CHORDC1: variants seen among roughly 807,000 people sequenced by gnomAD.
CHORDC1 encodes cysteine and histidine-rich domain-containing protein 1.
CHORDC1 carries 25 observed loss-of-function variants against 48.3 expected under a neutral mutation model. The observed-to-expected ratio is 0.52, with a 90% CI of 0.38 to 0.72. The LOEUF is 0.72. CHORDC1 is among the 30% of genes least tolerant of loss of function. The probability of loss-of-function intolerance (pLI) is 0.00; values close to 1 mark genes in which losing one functional copy is unlikely to be tolerated. For synonymous variants in CHORDC1, 128 were observed against 126.4 expected, an observed-to-expected ratio of 1.01 and a Z score of -0.09; for missense variants, 317 against 388.7, an observed-to-expected ratio of 0.82 and a Z score of 1.55.
intron 8 of CHORDC1, among the ~76,000 whole-genome samples, chr11:90,204,175 C>T (rs139075799): frequency 2.4e-4 from 37 of 152,152 alleles, no homozygotes; most frequent in Non-Finnish European, 4.6e-4. Flanking sequence ...CCCTTAGCTA[C>T]TAGCTTAGAT....
At chr11:90,202,759 T>C (rs1201859287) in intron 10 of CHORDC1, 54 bp downstream of exon 10, 2 of 1,524,870 alleles carry the variant, frequency 1.3e-6, no homozygotes, top group Non-Finnish European at 1.8e-6. Context: ...TCTTTTATTC[T>C]ACAAATGATC....
chr11:90,203,288 A>G lies in CHORDC1; in HGVS notation c.789+20T>C. The G allele has an allele frequency of 6.5e-7, 1 of 1,549,408 alleles. No individual in the cohort carries two copies. The highest frequency in any genetic ancestry group is 1.3e-5 in the African/African-American group (1 of 74,318). On this transcript the variant is annotated intron_variant, in intron 9 of 10. Transcript: ENST00000320585. ...ATGTATAGAAAAGAACTTTTACCCAAAATTATAAGATGTACTTACCAATGT... is the reference window on the plus strand; with the variant it reads ...ATGTATAGAAAAGAACTTTTACCCAGAATTATAAGATGTACTTACCAATGT...
At chr11:90,213,619 T>A (rs1777628223) in intron 4 of CHORDC1, 1 of 455,222 alleles carries the variant, frequency 2.2e-6, no homozygotes, top group African/African-American at 2.0e-5. Context: ...TTTTCAGGCA[T>A]CTGAAAGTAA....
rs1857541389 is a variant in CHORDC1 at position 90,201,444 on chromosome 11, T to C, written c.*961A>G. 1.3e-5 allele frequency: 2 copies of C among 151,894 alleles called. No homozygotes were observed. Among genetic ancestry groups the C allele is most frequent in the African/African-American group, 4.8e-5 (2 of 41,412 alleles). 9.4% of individuals were successfully genotyped at this position (151,894 alleles called of 1,614,324 possible). On this transcript the variant is annotated 3_prime_UTR_variant, in exon 11 of 11. Transcript: ENST00000320585. ...GCTCTTCATGACTTTAAAAAAAAACTCCAAAACAATTAAGCTATTTTTATT... is the reference window on the plus strand; with the variant it reads ...GCTCTTCATGACTTTAAAAAAAAACCCCAAAACAATTAAGCTATTTTTATT...
intron 6 of CHORDC1, chr11:90,209,450 C>T (rs1302700567): frequency 6.6e-6 from 1 of 152,128 alleles, no homozygotes; most frequent in Non-Finnish European, 1.5e-5. Context: ...TCTGTACTTT[C>T]AAATTCTATC....
chr11:90,206,414 C>G (rs554517668), intron 6 of CHORDC1, 142 bp from the exon 7 acceptor site: 1 of 580,624 alleles, frequency 1.7e-6, no homozygotes, highest in African/African-American at 1.9e-5. Context: ...ATCCATCCCA[C>G]GCCATTCTGT....
chr11:90,217,909 A>AAAAC, intron 2 of CHORDC1: 1 of 309,130 alleles, frequency 3.2e-6, no homozygotes, highest in Non-Finnish European at 5.9e-6. Flanking sequence ...AAAAAAAAAA[A>AAAAC]AAACCCAGAA....
intron 7 of CHORDC1, 67 bp from the exon 8 acceptor site, chr11:90,205,632 A>T (rs1390778517): frequency 2.0e-6 from 2 of 1,001,146 alleles, no homozygotes; most frequent in Non-Finnish European, 3.1e-6. Context: ...CAAGTATTTT[A>T]GGGATAAATC....
At position 90,210,193 on chromosome 11, in the gene CHORDC1, A is replaced by G. The variant is rs148255483; in HGVS notation, c.492+343T>C. On this transcript the variant is annotated intron_variant, in intron 6 of 10. Coordinates refer to ENST00000320585, the MANE Select transcript of CHORDC1 (RefSeq NM_012124.3). The stretch of plus-strand genomic sequence containing the variant: ...TTCTTCCTATCATCCTGATTTTGTA[A>G]TATCTAACTACCTATTTGTTGCTCT... Among the ~76,000 whole-genome samples, 793 of 152,276 alleles carry G rather than the reference A, an allele frequency of 5.2e-3. 6 individuals are homozygous for G. The highest frequency in any genetic ancestry group is 0.018 in the African/African-American group (740 of 41,552).
intron 1 of CHORDC1, among the ~76,000 whole-genome samples, chr11:90,218,685 G>A (rs918489092): frequency 3.9e-5 from 6 of 152,158 alleles, no homozygotes; most frequent in African/African-American, 1.4e-4. Context: ...CCTAGACACA[G>A]TCATTCCTAG....
intron 8 of CHORDC1, among the ~76,000 whole-genome samples, chr11:90,204,980 A>T (rs974927470): frequency 1.1e-4 from 17 of 152,030 alleles, no homozygotes; most frequent in African/African-American, 3.4e-4. Context: ...ATTAGCAAGC[A>T]GAGGCATTCA....
At chr11:90,211,102 C>T in intron 5 of CHORDC1, 113 bp downstream of exon 5, 1 of 650,790 alleles carries the variant, frequency 1.5e-6, no homozygotes, top group Non-Finnish European at 2.6e-6. Context: ...AGTTTCTTAA[C>T]TACAATGTGC....
intron 1 of CHORDC1, 86 bp from the exon 2 acceptor site, chr11:90,218,270 C>A (rs937355861): frequency 3.0e-6 from 3 of 989,228 alleles, no homozygotes; most frequent in African/African-American, 3.5e-5. Flanking sequence ...AGGTGTTAAC[C>A]TTTAATCCTT....
At chr11:90,218,258 T>C in intron 1 of CHORDC1, 74 bp from the exon 2 acceptor site, 1 of 1,112,582 alleles carries the variant, frequency 9.0e-7, no homozygotes, top group Non-Finnish European at 1.3e-6. Context: ...ATCATCTCCT[T>C]AAGGTGTTAA....
chr11:90,218,141 T>C lies in CHORDC1; in HGVS notation c.108A>G (p.Ala36=), dbSNP rs770678008. 2.1e-5 allele frequency: 33 copies of C among 1,576,032 alleles called. No individual in the cohort carries two copies. The highest frequency in any genetic ancestry group is 2.8e-5 in the Non-Finnish European group (33 of 1,166,418). ...YHPGVPVFHD[A]LKGWSCCKRR... ...ATGAAAATATAGTTCCTACCTTTAA[T>C]GCATCGTGAAAGACCGGAACACCTG... Residue 36 remains alanine (A), a synonymous_variant, in exon 2 of 11, where the codon GCA becomes GCG. Coordinates refer to ENST00000320585, the MANE Select transcript of CHORDC1 (RefSeq NM_012124.3).
rs753495307 is a variant in CHORDC1 at position 90,222,930 on chromosome 11, C to A, written c.25G>T (p.Gly9Cys). 1.7e-5 allele frequency: 27 copies of A among 1,613,998 alleles called. No individual in the cohort carries two copies. The highest frequency in any genetic ancestry group is 1.3e-4 in the South Asian group (12 of 91,084). ...TCAGGATCGAAGCGCTGACCGCAGC[C>A]CCGGTTGTAGCACAGCAAGGCCATT... The part of the protein sequence containing the change: MALLCYNR[G>C]CGQRFDPETN... The change falls in exon 1 of 11, where the codon GGC becomes TGC. Residue 9 changes from glycine (G) to cysteine (C), a missense_variant. Gly to Cys is a radical substitution (Grantham distance 159). Coordinates refer to ENST00000320585, the MANE Select transcript of CHORDC1 (RefSeq NM_012124.3).
chr11:90,202,767 A>T (rs759010011), intron 10 of CHORDC1, 46 bp downstream of exon 10: 115 of 1,535,096 alleles, frequency 7.5e-5, no homozygotes, highest in Non-Finnish European at 9.8e-5. Flanking sequence ...TCTACAAATG[A>T]TCTAAGTTAT....
intron 6 of CHORDC1, 36 bp from the exon 7 acceptor site, chr11:90,206,308 G>A (rs749567938): frequency 9.9e-6 from 11 of 1,108,836 alleles, no homozygotes; most frequent in South Asian, 2.5e-5. Context: ...AATTAGCTGC[G>A]TATCTTACAG....
intron 4 of CHORDC1, 137 bp from the exon 5 acceptor site, chr11:90,211,455 G>T (rs1277183170): frequency 1.6e-6 from 1 of 618,376 alleles, no homozygotes; most frequent in Non-Finnish European, 2.9e-6. Context: ...AGGTTAAAAG[G>T]TATTTTATAA....
Sources: gnomAD v4.1 joint callset for allele counts (sites outside exome capture counted in the v4.1 genomes callset) on GRCh38, gnomAD v4.1.1 for gene constraint, MANE v1.5 for transcripts, NCBI Gene and HGNC (gene_info 2026-07-23, HGNC 2026-07-21) for gene names.